CATSPER3: variants seen among roughly 807,000 people sequenced by gnomAD.
CATSPER3 encodes the protein cation channel sperm-associated protein 3.
CATSPER3 carries 23 observed loss-of-function variants against 36.6 expected under a neutral mutation model. The ratio of observed to expected loss-of-function variants is 0.63; its 90% CI spans 0.45 to 0.89. The LOEUF (loss-of-function observed/expected upper bound fraction) is 0.89. Ranked by LOEUF, CATSPER3 falls within the 40% of genes least tolerant of loss-of-function variation. CATSPER3 has a pLI of 0.00. For missense variants in CATSPER3, 474 were observed against 503.9 expected (o/e 0.94, Z 0.57); for synonymous variants, 172 against 184.1 (o/e 0.93, Z 0.53).
chr5:134,997,976 GGTTT>G (rs1751971377), intron 3 of CATSPER3, among the ~76,000 whole-genome samples: 1 of 152,088 alleles, frequency 6.6e-6, no homozygotes, highest in South Asian at 2.1e-4. Context: ...ACAACGTGCA[GGTTT>G]GTTACATATG....
intron 2 of CATSPER3, among the ~76,000 whole-genome samples, chr5:134,971,237 C>G (rs990114799): frequency 2.3e-4 from 35 of 152,088 alleles, no homozygotes; most frequent in Non-Finnish European, 7.4e-5. Context: ...ACGTTAGCCA[C>G]TGTGCCCGGC....
intron 3 of CATSPER3, among the ~76,000 whole-genome samples, chr5:135,004,715 G>A (rs1188906128): frequency 6.6e-6 from 1 of 152,184 alleles, no homozygotes; most frequent in Non-Finnish European, 1.5e-5. Context: ...TGACAGCAGG[G>A]TTGCCTGGAG....
chr5:134,982,589 T>A (rs1751763238), intron 2 of CATSPER3, among the ~76,000 whole-genome samples: 2 of 152,186 alleles, frequency 1.3e-5, no homozygotes, highest in South Asian at 4.1e-4. Flanking sequence ...AGAAATACTG[T>A]ATTCAGCAAA....
intron 4 of CATSPER3, among the ~76,000 whole-genome samples, chr5:135,008,563 G>A (rs541579238): frequency 6.6e-6 from 1 of 152,056 alleles, no homozygotes. Context: ...TTAAAGGTGG[G>A]CCTGGCAGAG....
intron 2 of CATSPER3, among the ~76,000 whole-genome samples, chr5:134,981,733 T>C (rs964518051): frequency 3.9e-5 from 6 of 152,166 alleles, no homozygotes; most frequent in African/African-American, 1.4e-4. Context: ...CAAAATATTA[T>C]AAAGCAATCA....
At chr5:135,003,667 G>C (rs542874798) in intron 3 of CATSPER3, among the ~76,000 whole-genome samples, 1 of 152,212 alleles carries the variant, frequency 6.6e-6, no homozygotes, top group Non-Finnish European at 1.5e-5. Flanking sequence ...CGCCCATCCC[G>C]CAGCCTCGCT....
chr5:134,968,874 C>T (rs1751566987), intron 1 of CATSPER3: 1 of 152,012 alleles, frequency 6.6e-6, no homozygotes. Flanking sequence ...CCTCACCATC[C>T]ATAGACAGAC....
intron 3 of CATSPER3, among the ~76,000 whole-genome samples, chr5:135,001,876 T>C (rs973843853): frequency 6.6e-5 from 10 of 152,240 alleles, no homozygotes; most frequent in Non-Finnish European, 1.3e-4. Context: ...GAGATGGGTC[T>C]CCTGAATACA....
intron 2 of CATSPER3, among the ~76,000 whole-genome samples, chr5:134,982,231 A>G: frequency 6.6e-6 from 1 of 152,218 alleles, no homozygotes; most frequent in East Asian, 1.9e-4. Flanking sequence ...ATACTAATAT[A>G]CACATAATAG....
intron 2 of CATSPER3, among the ~76,000 whole-genome samples, chr5:134,975,658 G>C (rs1751664782): frequency 6.6e-6 from 1 of 152,126 alleles, no homozygotes; most frequent in Admixed American, 6.6e-5. Context: ...GTGGAGAAAG[G>C]GGAACTCATA....
At chr5:134,991,466 C>T (rs113746823) in intron 2 of CATSPER3, among the ~76,000 whole-genome samples, 34 of 152,248 alleles carry the variant, frequency 2.2e-4, no homozygotes, top group African/African-American at 8.2e-4. Context: ...GGGAATAGAA[C>T]TGAGAATCTA....
intron 2 of CATSPER3, among the ~76,000 whole-genome samples, chr5:134,979,582 CATGT>C (rs1403636062): frequency 6.6e-6 from 1 of 152,180 alleles, no homozygotes; most frequent in Non-Finnish European, 1.5e-5. Flanking sequence ...CATTAAAAGG[CATGT>C]GAACAGTCTA....
intron 2 of CATSPER3, among the ~76,000 whole-genome samples, chr5:134,982,938 G>A (rs549831079): frequency 8.9e-4 from 135 of 152,256 alleles, no homozygotes; most frequent in Middle Eastern, 3.4e-3. Context: ...GCTGTATAGA[G>A]CAGAATTGTT....
chr5:134,970,223 T>G (rs998692452), intron 2 of CATSPER3, 131 bp downstream of exon 2: 3 of 845,204 alleles, frequency 3.5e-6, no homozygotes, highest in African/African-American at 3.4e-5. Context: ...TGGCGTGATC[T>G]CAGCTCACTG....
rs199553635 is a variant in CATSPER3 at position 135,010,353 on chromosome 5, C to G, written c.937-20C>G. 1.9e-6 allele frequency: 3 copies of G among 1,611,868 alleles called. No homozygotes were observed. The African/African-American group carries it at 4.0e-5, about 22-fold the overall frequency. The stretch of plus-strand genomic sequence containing the variant: ...TGTCACCTCCTCATCACTGCTCTCT[C>G]GTTATGCTTTCCTCTCTAGAAAAAT... On this transcript the variant is annotated intron_variant, in intron 6 of 7. Transcript: ENST00000282611.
At chr5:134,970,541 G>T (rs906072203) in intron 2 of CATSPER3, among the ~76,000 whole-genome samples, 2 of 151,120 alleles carry the variant, frequency 1.3e-5, no homozygotes, top group African/African-American at 4.9e-5. Flanking sequence ...GAAGAGGGTG[G>T]CAAGAGCAGC....
chr5:135,000,245 C>T (rs1752003806), intron 3 of CATSPER3, among the ~76,000 whole-genome samples: 1 of 152,074 alleles, frequency 6.6e-6, no homozygotes, highest in African/African-American at 2.4e-5. Context: ...CCATAGGATG[C>T]AGCCTTGCAT....
intron 2 of CATSPER3, among the ~76,000 whole-genome samples, chr5:134,988,920 A>T (rs1751847242): frequency 6.6e-6 from 1 of 152,170 alleles, no homozygotes; most frequent in African/African-American, 2.4e-5. Flanking sequence ...CTATAGCCTT[A>T]TGAAATGTAT....
At chr5:134,996,556 A>G in intron 3 of CATSPER3, 44 bp downstream of exon 3, 1 of 1,606,858 alleles carries the variant, frequency 6.2e-7, no homozygotes, top group Non-Finnish European at 8.5e-7. Context: ...GGCAGGCCGT[A>G]GGCCCATTTG....
Sources: allele counts gnomAD v4.1 joint callset (sites outside exome capture counted in the v4.1 genomes callset), GRCh38; gene constraint gnomAD v4.1.1; transcripts MANE v1.5; gene names NCBI Gene and HGNC (gene_info 2026-07-23, HGNC 2026-07-21).